The following STARD13 variants were observed in gnomAD, a reference collection of about 807,000 sequenced individuals.
STARD13 encodes stAR-related lipid transfer protein 13.
STARD13 carries 62 observed loss-of-function variants against 106.4 expected under a neutral mutation model. The observed-to-expected ratio is 0.58, with a 90% CI of 0.48 to 0.72. The LOEUF is 0.72. Ranked by LOEUF, STARD13 falls within the 30% of genes least tolerant of loss-of-function variation. The pLI, the probability that STARD13 is intolerant of heterozygous loss-of-function variation, is 0.00. For synonymous variants in STARD13, 565 were observed against 553.0 expected, an observed-to-expected ratio of 1.02 and a Z score of -0.31; for missense variants, 1,387 against 1,424.0, an observed-to-expected ratio of 0.97 and a Z score of 0.42.
chr13:33,496,943 C>T, the STARD13 span, among the ~76,000 whole-genome samples: 1 of 151,978 alleles, frequency 6.6e-6, no homozygotes, highest in African/African-American at 2.4e-5. Flanking sequence ...CTACAAGTAC[C>T]GTTTTTCTCA....
the STARD13 span, among the ~76,000 whole-genome samples, chr13:33,622,483 C>CA: frequency 4.0e-5 from 6 of 151,770 alleles, no homozygotes; most frequent in African/African-American, 1.5e-4. Flanking sequence ...ACTAAAAATA[C>CA]AAAAAACTAG....
intron 8 of STARD13, among the ~76,000 whole-genome samples, chr13:33,116,740 C>T (rs1875426630): frequency 6.6e-6 from 1 of 152,218 alleles, no homozygotes; most frequent in East Asian, 1.9e-4. Flanking sequence ...ACATCAAGAA[C>T]TCCCTGTTTG....
chr13:33,114,661 T>G (rs1242057557), intron 8 of STARD13, among the ~76,000 whole-genome samples: 1 of 152,152 alleles, frequency 6.6e-6, no homozygotes, highest in African/African-American at 2.4e-5. Flanking sequence ...AGGTAAGGTG[T>G]CCAGTGTGTA....
the STARD13 span, among the ~76,000 whole-genome samples, chr13:33,553,763 A>G: frequency 6.2e-4 from 94 of 151,906 alleles, 1 homozygote; most frequent in East Asian, 0.016. Flanking sequence ...TATTTTTAGT[A>G]GAGACGGGGT....
chr13:33,129,144 C>T lies in STARD13; in HGVS notation c.1533G>A (p.Leu511=), dbSNP rs780660999. 6.2e-7 allele frequency: 1 copy of T among 1,614,188 alleles called. No individual in the cohort carries two copies. The change falls in exon 5 of 14, where the codon CTG becomes CTA. Residue 511 remains leucine, a synonymous_variant. Transcript: ENST00000336934. The stretch of plus-strand genomic sequence containing the variant: ...CCCCAACCAATGTATCATGAGTTTG[C>T]AGTTCAGGCAAGACATCTTTGGACC... The part of the protein sequence containing the change: ...DDWSKDVLPE[L]QTHDTLVGEP...
chr13:33,421,696 A>G, the STARD13 span, among the ~76,000 whole-genome samples: 1 of 152,230 alleles, frequency 6.6e-6, no homozygotes, highest in African/African-American at 2.4e-5. Context: ...AAAATCCTCA[A>G]TAAAATACCA....
rs1343005953 is a variant in STARD13, at chr13:33,105,629, C to T, written c.3306G>A (p.Gln1102=). The change falls in exon 14 of 14, where the codon CAG becomes CAA. Residue 1102 remains glutamine, a synonymous_variant. Coordinates refer to ENST00000336934, the MANE Select transcript of STARD13 (RefSeq NM_178006.4). ...AEVARIRNSF[Q]PLIAEGPETK... ...TTTCTGGGCCCTCAGCAATGAGGGG[C>T]TGGAAAGAGTTTCTAATCCTGGCAA... The T allele has an allele frequency of 1.2e-6, 2 of 1,614,036 alleles. No individual in the cohort carries two copies. The highest frequency in any genetic ancestry group is 2.2e-5 in the East Asian group (1 of 44,886).
chr13:33,492,439 G>GT, the STARD13 span, among the ~76,000 whole-genome samples: 1 of 152,266 alleles, frequency 6.6e-6, no homozygotes, highest in Admixed American at 6.5e-5. Flanking sequence ...TTCCCAGATG[G>GT]TTAAGGCATT....
intron 7 of STARD13, among the ~76,000 whole-genome samples, chr13:33,125,418 A>G (rs1357171152): frequency 1.3e-5 from 2 of 152,180 alleles, no homozygotes; most frequent in African/African-American, 4.8e-5. Context: ...TGTAAAGTAC[A>G]GGACGGACAG....
At chr13:33,263,892 G>T (rs762994171) in intron 1 of STARD13, among the ~76,000 whole-genome samples, 1 of 152,182 alleles carries the variant, frequency 6.6e-6, no homozygotes, top group Non-Finnish European at 1.5e-5. Flanking sequence ...TAATGGGTCT[G>T]CTCTTCTTGA....
intron 7 of STARD13, among the ~76,000 whole-genome samples, chr13:33,120,745 G>A (rs2138115367): frequency 6.6e-6 from 1 of 152,004 alleles, no homozygotes; most frequent in South Asian, 2.1e-4. Context: ...GCTGATGATT[G>A]AGCTAACCCT....
At chr13:33,496,341 T>G in the STARD13 span, among the ~76,000 whole-genome samples, 2 of 151,138 alleles carry the variant, frequency 1.3e-5, no homozygotes, top group East Asian at 3.9e-4. Flanking sequence ...AAAAATAAAG[T>G]GTATTTACAA....
At position 33,184,258 on chromosome 13, in the gene STARD13, G is replaced by A. The variant is rs1566058399; in HGVS notation, c.170-16636C>T. On this transcript the variant is annotated intron_variant, in intron 1 of 13. Coordinates refer to ENST00000336934, the MANE Select transcript of STARD13 (RefSeq NM_178006.4). ...TCTGTCTCTTTTAGAGTTACAGTGT[G>A]AGCTCAGTGAATTTGAAAACAGTAG... 6.6e-5 allele frequency among the ~76,000 whole-genome samples: 10 copies of A among 152,280 alleles called. No individual in the cohort carries two copies. The South Asian group carries it at 1.7e-3, about 25-fold the overall frequency.
At chr13:33,430,388 C>A in the STARD13 span, among the ~76,000 whole-genome samples, 12 of 152,050 alleles carry the variant, frequency 7.9e-5, no homozygotes, top group East Asian at 1.9e-4. Context: ...CCAGAAAAAT[C>A]AAAAATTAGA....
At chr13:33,512,661 G>A in the STARD13 span, among the ~76,000 whole-genome samples, 1 of 152,048 alleles carries the variant, frequency 6.6e-6, no homozygotes, top group African/African-American at 2.4e-5. Flanking sequence ...TAGAGATGGG[G>A]TTTCGCCATG....
chr13:33,366,799 C>T, the STARD13 span, among the ~76,000 whole-genome samples: 227 of 152,282 alleles, frequency 1.5e-3, no homozygotes, highest in African/African-American at 5.1e-3. This position sits in a 1 kb window ranked among gnomAD's most constrained non-coding sequence, Gnocchi z 4.2. Context: ...TAAAACAGCA[C>T]GTTTGTACAG....
intron 1 of STARD13, among the ~76,000 whole-genome samples, chr13:33,206,464 A>T (rs985200022): frequency 2.0e-5 from 3 of 152,184 alleles, no homozygotes; most frequent in African/African-American, 7.2e-5. Flanking sequence ...AAAAGGAGAA[A>T]ATGCCAAAAT....
chr13:33,334,698 T>G (rs1594276025), intron 1 of STARD13, among the ~76,000 whole-genome samples: 2 of 152,038 alleles, frequency 1.3e-5, no homozygotes, highest in Admixed American at 1.3e-4. Flanking sequence ...GAGAGAGAGA[T>G]AAAGGTATCT....
At chr13:33,431,797 T>C in the STARD13 span, among the ~76,000 whole-genome samples, 2 of 152,170 alleles carry the variant, frequency 1.3e-5, no homozygotes, top group South Asian at 4.1e-4. Context: ...AAAAAATATA[T>C]CAAAGGTCTA....
Sources: gnomAD v4.1 joint callset for allele counts (sites outside exome capture counted in the v4.1 genomes callset) on GRCh38, gnomAD v4.1.1 for gene constraint, Gnocchi (gnomAD v3.1) non-coding constraint, MANE v1.5 for transcripts, NCBI Gene and HGNC (gene_info 2026-07-23, HGNC 2026-07-21) for gene names.